FGF13: variants seen among roughly 807,000 people sequenced by gnomAD.
FGF13 encodes fibroblast growth factor homologous factor 2.
FGF13 carries 2 observed loss-of-function variants against 19.5 expected under a neutral mutation model. That is an observed-to-expected ratio of 0.10 (90% confidence interval 0.04 to 0.32). The LOEUF is 0.32. FGF13 is among the 10% of genes least tolerant of loss of function. The pLI, the probability that FGF13 is intolerant of heterozygous loss-of-function variation, is 1.00. For missense variants in FGF13, 113 were observed against 192.7 expected (o/e 0.59, Z 2.45); for synonymous variants, 72 against 76.9 (o/e 0.94, Z 0.33).
At chrX:139,034,527 G>A (rs1208647620) in intron 1 of FGF13, among the ~76,000 whole-genome samples, 1 of 111,068 alleles carries the variant, frequency 9.0e-6, no homozygotes, top group Admixed American at 9.6e-5. Context: ...TGAATGGCTC[G>A]AAAGTTGAAA....
chrX:138,638,391 T>C (rs1404630694), intron 3 of FGF13, among the ~76,000 whole-genome samples: 1 of 111,751 alleles, frequency 8.9e-6, no homozygotes, highest in East Asian at 2.8e-4. Context: ...CCTACTGGCT[T>C]TCCTCTAACC....
chrX:138,835,163 A>G (rs1363097610), intron 3 of FGF13, among the ~76,000 whole-genome samples: 1 of 111,597 alleles, frequency 9.0e-6, no homozygotes, highest in Non-Finnish European at 1.9e-5. Context: ...GTAGATATCT[A>G]TTAGGTCCAT....
chrX:138,920,698 T>C (rs1331564109), intron 1 of FGF13, among the ~76,000 whole-genome samples: 2 of 111,325 alleles, frequency 1.8e-5, no homozygotes, highest in Non-Finnish European at 3.8e-5. Context: ...GTATTACTAG[T>C]GTTCAATGTT....
intron 1 of FGF13, among the ~76,000 whole-genome samples, chrX:139,201,844 A>G (rs2148284259): frequency 8.9e-6 from 1 of 112,263 alleles, no homozygotes; most frequent in South Asian, 3.8e-4. Flanking sequence ...TCTAAATTCA[A>G]CAACGAACAG....
chrX:138,667,855 G>GGCTC, intron 3 of FGF13: 1 of 274,523 alleles, frequency 3.6e-6, no homozygotes, highest in Non-Finnish European at 7.3e-6. Context: ...GGAAATGGAT[G>GGCTC]GCTCGTTGAG....
At chrX:138,642,323 G>T (rs1192352907) in intron 3 of FGF13, among the ~76,000 whole-genome samples, 1 of 111,677 alleles carries the variant, frequency 9.0e-6, no homozygotes. Flanking sequence ...TAATAATCCT[G>T]ACATAGGCAA....
At chrX:138,667,643 T>C (rs2089564715) in intron 3 of FGF13, 2 of 339,662 alleles carry the variant, frequency 5.9e-6, no homozygotes, top group Non-Finnish European at 1.2e-5. Context: ...GGTGGTGGGG[T>C]AAGATTCCAG....
At chrX:138,671,047 C>T (rs1242108822) in intron 3 of FGF13, among the ~76,000 whole-genome samples, 7 of 110,865 alleles carry the variant, frequency 6.3e-5, no homozygotes, top group Non-Finnish European at 5.7e-5. Flanking sequence ...CCACCACCAC[C>T]GCCATCATCA....
At chrX:138,812,550 C>T (rs1217407485) in intron 3 of FGF13, among the ~76,000 whole-genome samples, 3 of 111,133 alleles carry the variant, frequency 2.7e-5, no homozygotes, top group South Asian at 3.8e-4. Flanking sequence ...GAATTTATGG[C>T]TCTTATACCA....
intron 1 of FGF13, among the ~76,000 whole-genome samples, chrX:139,014,738 AC>A (rs2092145821): frequency 9.0e-6 from 1 of 111,720 alleles, no homozygotes; most frequent in Non-Finnish European, 1.9e-5. Flanking sequence ...TTATCCTGAT[AC>A]CAAAGCCAGA....
At chrX:138,801,112 T>C (rs2090825355) in intron 3 of FGF13, among the ~76,000 whole-genome samples, 1 of 112,176 alleles carries the variant, frequency 8.9e-6, no homozygotes, top group African/African-American at 3.2e-5. Flanking sequence ...CTGTCCAATT[T>C]TGTGCCCTTG....
chrX:138,919,467 C>T (rs1299498473), intron 1 of FGF13, among the ~76,000 whole-genome samples: 1 of 111,633 alleles, frequency 9.0e-6, no homozygotes, highest in African/African-American at 3.2e-5. Context: ...AACAACTGCA[C>T]TCTTGGGCAT....
At chrX:138,745,289 A>G (rs952106603) in intron 3 of FGF13, among the ~76,000 whole-genome samples, 1 of 112,135 alleles carries the variant, frequency 8.9e-6, no homozygotes, top group African/African-American at 3.2e-5. Flanking sequence ...TCCGAGGCAT[A>G]CATAATTTTC....
intron 2 of FGF13, chrX:138,857,754 C>T: frequency 3.4e-6 from 3 of 876,067 alleles, no homozygotes; most frequent in Non-Finnish European, 4.6e-6. Flanking sequence ...ATCAAATATA[C>T]TCCCAGGGAA....
At chrX:138,759,037 T>C (rs2090449267) in intron 3 of FGF13, among the ~76,000 whole-genome samples, 1 of 112,128 alleles carries the variant, frequency 8.9e-6, no homozygotes, top group Admixed American at 9.5e-5. Flanking sequence ...CAAAAAGTAA[T>C]GAGTGGAAGC....
Position 138,622,185 on chromosome X carries a change from A to ACAT in FGF13, c.*10662_*10664dup, listed in dbSNP as rs1228481774. ...GAATACAGTCCCAAATCCCTGTTGA[A>ACAT]CATAGATGCAAAAATCCACAACAAA... On this transcript the variant is annotated 3_prime_UTR_variant, in exon 5 of 5. Coordinates refer to ENST00000315930, the MANE Select transcript of FGF13 (RefSeq NM_004114.5). 2 of 111,351 alleles carry ACAT rather than the reference A, an allele frequency of 1.8e-5. No homozygotes were observed. The highest frequency in any genetic ancestry group is 6.5e-5 in the African/African-American group (2 of 30,714). The allele number at this position is 111,351 out of a possible 1,213,427, so 9.2% of individuals were successfully genotyped here.
At chrX:138,926,222 G>T (rs769321223) in intron 1 of FGF13, among the ~76,000 whole-genome samples, 7 of 111,547 alleles carry the variant, frequency 6.3e-5, no homozygotes, top group Admixed American at 9.5e-5. Context: ...CTTTAATGTT[G>T]CCTGCCAAGC....
At chrX:138,828,442 C>A (rs1379795196) in intron 3 of FGF13, among the ~76,000 whole-genome samples, 1 of 109,752 alleles carries the variant, frequency 9.1e-6, no homozygotes, top group African/African-American at 3.3e-5. Context: ...TGGTGGCGGG[C>A]GCCTGTAGTC....
chrX:138,753,557 A>ATGGGACTT (rs1053771954), intron 3 of FGF13, among the ~76,000 whole-genome samples: 10 of 112,072 alleles, frequency 8.9e-5, no homozygotes, highest in African/African-American at 3.2e-4. Flanking sequence ...TATAAGATTC[A>ATGGGACTT]TGAGATGAGT....
Sources: allele counts gnomAD v4.1 joint callset (sites outside exome capture counted in the v4.1 genomes callset), GRCh38; gene constraint gnomAD v4.1.1; transcripts MANE v1.5; gene names NCBI Gene and HGNC (gene_info 2026-07-23, HGNC 2026-07-21).